Variants in NKAIN2 observed in about 807,000 individuals in gnomAD.
The protein encoded by NKAIN2 is sodium/potassium-transporting ATPase subunit beta-1-interacting protein 2.
NKAIN2 carries 14 observed loss-of-function variants against 32.6 expected under a neutral mutation model. That is an observed-to-expected ratio of 0.43 (90% CI 0.28 to 0.67). NKAIN2 has a LOEUF of 0.67. Among genes scored for constraint, NKAIN2 ranks in the 30% least tolerant of loss-of-function variants. NKAIN2 has a pLI of 0.17. For missense variants in NKAIN2, 198 were observed against 258.3 expected, an observed-to-expected ratio of 0.77 and a Z score of 1.60; for synonymous variants, 80 against 87.2, an observed-to-expected ratio of 0.92 and a Z score of 0.46.
chr6:124,777,966 CACACACACAA>C (rs1170970478), intron 4 of NKAIN2, among the ~76,000 whole-genome samples: 4 of 151,612 alleles, frequency 2.6e-5, no homozygotes, highest in Admixed American at 1.3e-4. Context: ...CACACACACA[CACACACACAA>C]ACACACACAC....
chr6:123,914,213 A>ATG (rs1775369229), intron 1 of NKAIN2, among the ~76,000 whole-genome samples: 1 of 116,022 alleles, frequency 8.6e-6, no homozygotes, highest in African/African-American at 4.3e-5. Flanking sequence ...TTTGTGTATG[A>ATG]CGAGAGAGAG....
intron 3 of NKAIN2, among the ~76,000 whole-genome samples, chr6:124,460,111 T>C (rs898653468): frequency 6.6e-6 from 1 of 151,706 alleles, no homozygotes; most frequent in Non-Finnish European, 1.5e-5. Flanking sequence ...AATCACTACA[T>C]TACTACAAAA....
intron 4 of NKAIN2, among the ~76,000 whole-genome samples, chr6:124,764,802 C>T (rs1432615090): frequency 1.3e-5 from 2 of 151,932 alleles, no homozygotes; most frequent in African/African-American, 4.8e-5. Context: ...TCAGAACAGG[C>T]AGGAGGAAAT....
chr6:123,835,018 C>T (rs1231825681), intron 1 of NKAIN2, among the ~76,000 whole-genome samples: 1 of 152,030 alleles, frequency 6.6e-6, no homozygotes, highest in Non-Finnish European at 1.5e-5. Context: ...AGATCTTAGT[C>T]TTTTGTTTTC....
chr6:124,089,036 C>T (rs1784311858), intron 1 of NKAIN2, among the ~76,000 whole-genome samples: 2 of 151,926 alleles, frequency 1.3e-5, no homozygotes, highest in African/African-American at 4.8e-5. Flanking sequence ...AAATGTTGTG[C>T]AAAACATGGC....
intron 3 of NKAIN2, among the ~76,000 whole-genome samples, chr6:124,420,424 G>C (rs1428310451): frequency 6.6e-6 from 1 of 152,102 alleles, no homozygotes; most frequent in Non-Finnish European, 1.5e-5. Flanking sequence ...GTTATGTGTA[G>C]GTAGAGCCTA....
intron 1 of NKAIN2, among the ~76,000 whole-genome samples, chr6:123,835,510 C>G (rs1774580611): frequency 6.6e-6 from 1 of 151,812 alleles, no homozygotes; most frequent in Non-Finnish European, 1.5e-5. Flanking sequence ...TTGTTTTGTT[C>G]TTTTTCATAG....
At chr6:123,820,000 T>C (rs985325296) in intron 1 of NKAIN2, among the ~76,000 whole-genome samples, 3 of 152,228 alleles carry the variant, frequency 2.0e-5, no homozygotes, top group Admixed American at 1.3e-4. Flanking sequence ...TAAAATTCTC[T>C]GTATTTTCTA....
In NKAIN2 at chr6:124,121,914, A is replaced by T. The variant is rs529826315; in HGVS notation, c.55-161091A>T. 3.0e-5 allele frequency: 37 copies of T among 1,243,658 alleles called. No homozygotes were observed. The East Asian group carries it at 1.7e-3, about 57-fold the overall frequency. The allele number at this position is 1,243,658 out of a possible 1,614,324, so 77.0% of individuals were successfully genotyped here. ...GGATGGGGATCATTAGGTTTCTCTT[A>T]TTATATTGTCCCACAAATATCTTAA... On this transcript the variant is annotated intron_variant, in intron 1 of 6. Transcript: ENST00000368417.
intron 1 of NKAIN2, among the ~76,000 whole-genome samples, chr6:124,157,179 T>C (rs1195388998): frequency 6.7e-6 from 1 of 149,922 alleles, no homozygotes; most frequent in East Asian, 2.0e-4. Context: ...AGAGATATTC[T>C]TGGGATACAT....
At chr6:124,045,137 T>G (rs911625020) in intron 1 of NKAIN2, among the ~76,000 whole-genome samples, 16 of 151,874 alleles carry the variant, frequency 1.1e-4, no homozygotes, top group Admixed American at 6.6e-5. Flanking sequence ...GTTATTTCTT[T>G]ATACGTCAAA....
chr6:124,479,331 T>A (rs757504518), intron 3 of NKAIN2, among the ~76,000 whole-genome samples: 1 of 152,208 alleles, frequency 6.6e-6, no homozygotes, highest in Non-Finnish European at 1.5e-5. Context: ...GAGATGTTAA[T>A]AATAGAAGAA....
At chr6:124,412,121 T>G (rs971462121) in intron 3 of NKAIN2, among the ~76,000 whole-genome samples, 16 of 152,218 alleles carry the variant, frequency 1.1e-4, no homozygotes, top group Non-Finnish European at 2.2e-4. Flanking sequence ...TTGCCATTGG[T>G]TTGAACTTCC....
chr6:124,181,625 C>G (rs1239920981), intron 1 of NKAIN2, among the ~76,000 whole-genome samples: 1 of 152,134 alleles, frequency 6.6e-6, no homozygotes, highest in Non-Finnish European at 1.5e-5. Context: ...CCACCAGATA[C>G]CCTAAATCAT....
intron 3 of NKAIN2, among the ~76,000 whole-genome samples, chr6:124,553,014 A>G (rs1232533237): frequency 6.6e-6 from 1 of 152,238 alleles, no homozygotes; most frequent in African/African-American, 2.4e-5. Flanking sequence ...ATTTAAAGGG[A>G]AAAACAAAAC....
chr6:124,469,631 G>A (rs972993154), intron 3 of NKAIN2, among the ~76,000 whole-genome samples: 3 of 152,130 alleles, frequency 2.0e-5, no homozygotes, highest in African/African-American at 7.2e-5. Context: ...AACTGGAACT[G>A]TTTCATTTAA....
At chr6:124,356,536 G>A (rs932427941) in intron 3 of NKAIN2, among the ~76,000 whole-genome samples, 3 of 152,146 alleles carry the variant, frequency 2.0e-5, no homozygotes, top group East Asian at 1.9e-4. Flanking sequence ...AGTCCTCACC[G>A]TGGCTAGCAA....
intron 4 of NKAIN2, among the ~76,000 whole-genome samples, chr6:124,778,958 A>G (rs1315771034): frequency 6.6e-6 from 1 of 152,076 alleles, no homozygotes; most frequent in Non-Finnish European, 1.5e-5. Context: ...TAGGAGCTCA[A>G]AGTGCATTCA....
chr6:123,846,824 CG>C (rs1775109940), intron 1 of NKAIN2, among the ~76,000 whole-genome samples: 1 of 131,364 alleles, frequency 7.6e-6, no homozygotes, highest in Non-Finnish European at 1.7e-5. Flanking sequence ...CCCACGCCAC[CG>C]CCACACACAC....
Sources: allele counts gnomAD v4.1 joint callset (sites outside exome capture counted in the v4.1 genomes callset), GRCh38; gene constraint gnomAD v4.1.1; transcripts MANE v1.5; gene names NCBI Gene and HGNC (gene_info 2026-07-23, HGNC 2026-07-21).